CCDC201: variants seen among roughly 807,000 people sequenced by gnomAD.
The protein encoded by CCDC201 is coiled-coil domain-containing protein 201.
At chr7:45,876,117 G>T (rs567764913), upstream of CCDC201, among the ~76,000 whole-genome samples, 2 of 152,150 alleles carry the variant, frequency 1.3e-5, no homozygotes, top group Admixed American at 6.5e-5. Flanking sequence ...TGGTTAGAAG[G>T]GGTCAGAGGG....
intron 1 of CCDC201, among the ~76,000 whole-genome samples, chr7:45,870,116 A>G (rs1786727796): frequency 6.6e-6 from 1 of 152,216 alleles, no homozygotes; most frequent in African/African-American, 2.4e-5. Context: ...CGCAGCCAGC[A>G]GTTGCTCCAC....
chr7:45,874,886 G>A (rs763574107), upstream of CCDC201, among the ~76,000 whole-genome samples: 2 of 152,206 alleles, frequency 1.3e-5, no homozygotes, highest in African/African-American at 2.4e-5. Flanking sequence ...CCTTGAACCA[G>A]CAATTCCACT....
upstream of CCDC201, among the ~76,000 whole-genome samples, chr7:45,874,862 A>G (rs1489250114): frequency 1.3e-5 from 2 of 152,242 alleles, no homozygotes; most frequent in African/African-American, 4.8e-5. Flanking sequence ...TGATACACTT[A>G]AAAGTATGGA....
chr7:45,878,296 C>T, the CCDC201 span, among the ~76,000 whole-genome samples: 28 of 152,296 alleles, frequency 1.8e-4, no homozygotes, highest in East Asian at 2.1e-3. Context: ...TGACCCTCTT[C>T]GCACAGCTCT....
chr7:45,860,893 CTATGGA>C (rs1205540090), exon 3 of CCDC201: 1 of 152,188 alleles, frequency 6.6e-6, no homozygotes, highest in African/African-American at 2.4e-5. Flanking sequence ...ACTAGAGTGC[CTATGGA>C]TAACTGCATA....
the CCDC201 span, among the ~76,000 whole-genome samples, chr7:45,883,634 A>G: frequency 6.6e-6 from 1 of 152,172 alleles, no homozygotes; most frequent in African/African-American, 2.4e-5. Flanking sequence ...GACCTCGTCT[A>G]TGGCTCTCTG....
intron 1 of CCDC201, among the ~76,000 whole-genome samples, chr7:45,869,900 C>A (rs190559032): frequency 6.6e-6 from 1 of 151,914 alleles, no homozygotes; most frequent in Non-Finnish European, 1.5e-5. Flanking sequence ...TCACTGTAAC[C>A]TCTGCCTCTT....
the CCDC201 span, among the ~76,000 whole-genome samples, chr7:45,882,306 G>A: frequency 6.6e-6 from 1 of 152,198 alleles, no homozygotes; most frequent in South Asian, 2.1e-4. Context: ...TGGCAGGAAC[G>A]AGCCACCGTG....
At chr7:45,876,963 C>G (rs1786815844), upstream of CCDC201, among the ~76,000 whole-genome samples, 1 of 152,218 alleles carries the variant, frequency 6.6e-6, no homozygotes, top group Admixed American at 6.5e-5. Flanking sequence ...TGCTAGTCAG[C>G]CATGTTGAAA....
chr7:45,861,358 AAAAG>A (rs1675086863), exon 3 of CCDC201: 1 of 143,758 alleles, frequency 7.0e-6, no homozygotes, highest in African/African-American at 2.6e-5. Flanking sequence ...AAGTTATAAA[AAAAG>A]AAAAAAGTAA....
chr7:45,875,349 G>A (rs1437599961), upstream of CCDC201, among the ~76,000 whole-genome samples: 2 of 150,904 alleles, frequency 1.3e-5, no homozygotes, highest in African/African-American at 2.4e-5. Context: ...ACAAAAATTA[G>A]CCAGGCATGG....
At chr7:45,876,281 T>C (rs1008411720), upstream of CCDC201, among the ~76,000 whole-genome samples, 1 of 152,168 alleles carries the variant, frequency 6.6e-6, no homozygotes, top group Non-Finnish European at 1.5e-5. Flanking sequence ...ACAACCCTCT[T>C]ACCTGGTGAG....
At chr7:45,880,399 A>T in the CCDC201 span, among the ~76,000 whole-genome samples, 1 of 152,252 alleles carries the variant, frequency 6.6e-6, no homozygotes, top group African/African-American at 2.4e-5. Context: ...TGATCCTCAT[A>T]CGGTAACTCC....
At chr7:45,880,033 T>C in the CCDC201 span, among the ~76,000 whole-genome samples, 79,700 of 151,936 alleles carry the variant, frequency 0.52, 21,199 homozygotes, top group East Asian at 0.63. Flanking sequence ...TTGCAGTGAG[T>C]TGAGATTGCA....
chr7:45,881,215 A>G, the CCDC201 span, among the ~76,000 whole-genome samples: 1 of 152,064 alleles, frequency 6.6e-6, no homozygotes, highest in African/African-American at 2.4e-5. Flanking sequence ...GGAGTGAGCA[A>G]CAGGGAGCTC....
chr7:45,863,688 G>C (rs981328591), intron 2 of CCDC201, among the ~76,000 whole-genome samples: 2 of 152,178 alleles, frequency 1.3e-5, no homozygotes, highest in Non-Finnish European at 2.9e-5. Flanking sequence ...ATGGAGTAGA[G>C]ACTGGAACCT....
chr7:45,867,922 A>T (rs922517401), intron 1 of CCDC201, among the ~76,000 whole-genome samples: 1 of 152,274 alleles, frequency 6.6e-6, no homozygotes, highest in East Asian at 1.9e-4. Flanking sequence ...AAAGAGATAG[A>T]TGAGCACTTG....
chr7:45,876,946 G>A (rs557659875), upstream of CCDC201, among the ~76,000 whole-genome samples: 30 of 152,354 alleles, frequency 2.0e-4, no homozygotes, highest in African/African-American at 4.6e-4. Context: ...GCCAGTTTGG[G>A]TATGGCTGCT....
At chr7:45,873,579 A>G (rs1030591444), upstream of CCDC201, among the ~76,000 whole-genome samples, 1 of 152,166 alleles carries the variant, frequency 6.6e-6, no homozygotes, top group African/African-American at 2.4e-5. Flanking sequence ...CTGATTGGGC[A>G]GGCCTGGGCA....
Sources: gnomAD v4.1 joint callset for allele counts (sites outside exome capture counted in the v4.1 genomes callset) on GRCh38, gnomAD v4.1.1 for gene constraint, MANE v1.5 for transcripts, NCBI Gene and HGNC (gene_info 2026-07-23, HGNC 2026-07-21) for gene names.